The following PLS1 variants were observed in gnomAD, a reference collection of about 807,000 sequenced individuals.
PLS1 encodes the protein plastin 1.
A neutral mutation model predicts 73.7 loss-of-function variants in PLS1; 32 were observed. The observed-to-expected ratio is 0.43, with a 90% CI of 0.33 to 0.58. The LOEUF is 0.58. PLS1 is among the 20% of genes least tolerant of loss of function. PLS1 has a pLI of 0.04. For missense variants in PLS1, 633 were observed against 740.5 expected, an observed-to-expected ratio of 0.85 and a Z score of 1.68; for synonymous variants, 217 against 261.3, an observed-to-expected ratio of 0.83 and a Z score of 1.63.
intron 1 of PLS1, among the ~76,000 whole-genome samples, chr3:142,629,572 A>G (rs1031625222): frequency 3.3e-5 from 5 of 152,220 alleles, no homozygotes; most frequent in Non-Finnish European, 7.3e-5. Flanking sequence ...CATGGGTATG[A>G]GGAAACTAAC....
intron 1 of PLS1, among the ~76,000 whole-genome samples, chr3:142,644,940 C>G (rs1395178926): frequency 6.6e-6 from 1 of 152,186 alleles, no homozygotes; most frequent in Non-Finnish European, 1.5e-5. Context: ...TCATAGTTCT[C>G]TGGCAAATAT....
Position 142,711,540 on chromosome 3 carries a change from A to G in PLS1, c.1669A>G (p.Ile557Val). The G allele has an allele frequency of 6.2e-7, 1 of 1,602,070 alleles. No individual in the cohort carries two copies. Among genetic ancestry groups the G allele is most frequent in the South Asian group, 1.1e-5 (1 of 90,366 alleles). ...CACAAGTTTACCTGTCCTAGATTTA[A>G]TAGATGCCATTGCACCAAATGCAGT... The part of the protein sequence containing the change: ...ISTSLPVLDL[I>V]DAIAPNAVRQ... Residue 557 changes from isoleucine (I) to valine (V), a missense_variant, in exon 15 of 16, where the codon ATA becomes GTA. Transcript: ENST00000457734.
chr3:142,704,400 A>T, intron 13 of PLS1, 63 bp from the exon 14 acceptor site: 1 of 1,307,014 alleles, frequency 7.7e-7, no homozygotes, highest in Non-Finnish European at 1.1e-6. Flanking sequence ...AAACATTGAT[A>T]TAAATTATGT....
chr3:142,600,029 T>C (rs2035887242), intron 1 of PLS1, among the ~76,000 whole-genome samples: 1 of 152,190 alleles, frequency 6.6e-6, no homozygotes, highest in Admixed American at 6.5e-5. Flanking sequence ...ATTACAGGCC[T>C]GAGCCACCAT....
At chr3:142,606,715 T>G (rs1233024710) in intron 1 of PLS1, among the ~76,000 whole-genome samples, 1 of 152,246 alleles carries the variant, frequency 6.6e-6, no homozygotes, top group Non-Finnish European at 1.5e-5. Flanking sequence ...CTTTTGCGTC[T>G]GGCTTATTTC....
rs567144440 is a variant in PLS1 at position 142,712,141 on chromosome 3, A to G, written c.*134A>G. ...AGTTATATATTCATTAATGAATTCAATATCCTGTTCATACTAGTTAGAGCT... is the reference window on the plus strand; with the variant it reads ...AGTTATATATTCATTAATGAATTCAGTATCCTGTTCATACTAGTTAGAGCT... On this transcript the variant is annotated 3_prime_UTR_variant, in exon 16 of 16. Transcript: ENST00000457734. 15 of 808,990 alleles carry G rather than the reference A, an allele frequency of 1.9e-5. 1 individual carries two copies. In the African/African-American group the frequency reaches 1.9e-4, roughly 10 times the overall value. 50.1% of individuals were successfully genotyped at this position (808,990 alleles called of 1,614,324 possible).
chr3:142,601,842 T>C (rs536552678), intron 1 of PLS1, among the ~76,000 whole-genome samples: 3 of 152,132 alleles, frequency 2.0e-5, no homozygotes, highest in Non-Finnish European at 2.9e-5. Flanking sequence ...GATGAGAAAA[T>C]TGAGGCTTAG....
intron 12 of PLS1, among the ~76,000 whole-genome samples, chr3:142,701,044 C>T (rs939322697): frequency 6.6e-6 from 1 of 152,156 alleles, no homozygotes; most frequent in South Asian, 2.1e-4. Flanking sequence ...CTTTTTCTTC[C>T]CAGTCTTGGA....
intron 1 of PLS1, among the ~76,000 whole-genome samples, chr3:142,604,485 G>C (rs2035984257): frequency 6.6e-6 from 1 of 152,080 alleles, no homozygotes; most frequent in African/African-American, 2.4e-5. Context: ...AATTTTAAGT[G>C]TTAATCAGGT....
intron 8 of PLS1, among the ~76,000 whole-genome samples, chr3:142,684,737 G>A (rs1340217644): frequency 2.0e-5 from 3 of 152,128 alleles, no homozygotes; most frequent in Admixed American, 2.0e-4. Flanking sequence ...AATTATATCT[G>A]TTTACTGGTT....
At position 142,638,712 on chromosome 3, in the gene PLS1, CATTTTATTTT is replaced by C. The variant is rs67652440; in HGVS notation, c.-36-25454_-36-25445del. 2.6e-3 allele frequency among the ~76,000 whole-genome samples: 392 copies of C among 149,560 alleles called. 3 individuals are homozygous for C. Among genetic ancestry groups the C allele is most frequent in the South Asian group, 6.6e-3 (31 of 4,688 alleles). On this transcript the variant is annotated intron_variant, in intron 1 of 15. Coordinates refer to ENST00000457734, the MANE Select transcript of PLS1 (RefSeq NM_001145319.2). ...TAGGTGTGTAAGAAACACTTATCTTCATTTTATTTTATTTTATTTTATTTTATTTTATTTT... is the reference window on the plus strand; with the variant it reads ...TAGGTGTGTAAGAAACACTTATCTTCATTTTATTTTATTTTATTTTATTTT...
chr3:142,615,322 A>G (rs1050177147), intron 1 of PLS1, among the ~76,000 whole-genome samples: 4 of 152,256 alleles, frequency 2.6e-5, no homozygotes, highest in African/African-American at 9.6e-5. Context: ...TATTCAGTGT[A>G]TACAGATGAT....
intron 1 of PLS1, among the ~76,000 whole-genome samples, chr3:142,601,698 A>G (rs1292392042): frequency 1.3e-5 from 2 of 151,834 alleles, no homozygotes; most frequent in Non-Finnish European, 1.5e-5. Flanking sequence ...AAATTTTTTT[A>G]TAGTGATAAG....
intron 14 of PLS1, among the ~76,000 whole-genome samples, chr3:142,705,638 A>G (rs1487799535): frequency 6.6e-6 from 1 of 152,250 alleles, no homozygotes; most frequent in Non-Finnish European, 1.5e-5. Flanking sequence ...AAGTACAAAG[A>G]GATGAAACAC....
intron 6 of PLS1, among the ~76,000 whole-genome samples, chr3:142,679,956 G>A (rs1184056912): frequency 3.3e-5 from 5 of 151,958 alleles, no homozygotes; most frequent in East Asian, 1.9e-4. Flanking sequence ...TCATTGAGCA[G>A]TGGTTTGTAG....
At chr3:142,605,977 T>C (rs982811257) in intron 1 of PLS1, among the ~76,000 whole-genome samples, 1 of 152,242 alleles carries the variant, frequency 6.6e-6, no homozygotes, top group East Asian at 1.9e-4. Context: ...TAAGCCTTAA[T>C]TGAAGTATTT....
chr3:142,659,536 T>C (rs1403410270), intron 1 of PLS1, among the ~76,000 whole-genome samples: 2 of 152,166 alleles, frequency 1.3e-5, no homozygotes, highest in African/African-American at 4.8e-5. Context: ...GCTTTTCAGT[T>C]ATTTGTTTGT....
At chr3:142,637,924 A>T (rs1314780797) in intron 1 of PLS1, among the ~76,000 whole-genome samples, 1 of 151,302 alleles carries the variant, frequency 6.6e-6, no homozygotes, top group African/African-American at 2.4e-5. Flanking sequence ...CTCTTTCTCC[A>T]TTCTTTATTC....
At chr3:142,632,966 C>T (rs529188423) in intron 1 of PLS1, among the ~76,000 whole-genome samples, 17 of 152,136 alleles carry the variant, frequency 1.1e-4, no homozygotes, top group South Asian at 6.2e-4. Context: ...AACAGTAAGA[C>T]GTGGAAGCAA....
Sources: allele counts gnomAD v4.1 joint callset (sites outside exome capture counted in the v4.1 genomes callset), GRCh38; gene constraint gnomAD v4.1.1; transcripts MANE v1.5; gene names NCBI Gene and HGNC (gene_info 2026-07-23, HGNC 2026-07-21).